Variants in CWH43 observed in about 807,000 individuals in gnomAD.
CWH43 encodes PGAP2-interacting protein.
A neutral mutation model predicts 85.7 loss-of-function variants in CWH43; 91 were observed. That is an observed-to-expected ratio of 1.06 (90% CI 0.90 to 1.26). The LOEUF (loss-of-function observed/expected upper bound fraction) is 1.26, where lower values mean the gene tolerates loss of function less well. Ranked by LOEUF, CWH43 falls within the 50% of genes most tolerant of loss-of-function variation. CWH43 has a pLI of 0.00. For synonymous variants in CWH43, 323 were observed against 293.6 expected (o/e 1.10, Z -1.02); for missense variants, 869 against 839.2 (o/e 1.04, Z -0.44).
At position 49,032,693 on chromosome 4, in the gene CWH43, G is replaced by T; in HGVS notation, c.1636G>T (p.Val546Leu). ...TTCGGGCAAGCTGGTGGATTTTGTC[G>T]TGACACACTTTGGGAACCACGAGTG... ...NISGKLVDFV[V>L]THFGNHEDDL... The change falls in exon 12 of 16, where the codon GTG (valine) becomes TTG (leucine). Residue 546 changes from valine to leucine, a missense_variant. By Grantham distance (32) the Val-to-Leu change is conservative. This residue lies in a region of CWH43 where 577 missense variants were observed against 513.1 expected (regional missense o/e 1.12). Transcript: ENST00000226432. 1.2e-6 allele frequency: 2 copies of T among 1,614,056 alleles called. No homozygotes were observed. The highest frequency in any genetic ancestry group is 1.7e-6 in the Non-Finnish European group (2 of 1,179,926).
At chr4:49,036,275 G>A (rs1349094967) in intron 12 of CWH43, among the ~76,000 whole-genome samples, 1 of 152,114 alleles carries the variant, frequency 6.6e-6, no homozygotes, top group Non-Finnish European at 1.5e-5. Flanking sequence ...AATCTGCAGG[G>A]GTCAGCCTCT....
At chr4:49,039,088 A>G (rs1373237058) in intron 13 of CWH43, among the ~76,000 whole-genome samples, 1 of 146,300 alleles carries the variant, frequency 6.8e-6, no homozygotes, top group African/African-American at 2.5e-5. Context: ...TAAATAAATA[A>G]ATAAATAAAT....
intron 12 of CWH43, among the ~76,000 whole-genome samples, chr4:49,033,419 G>A (rs1014255793): frequency 1.3e-5 from 2 of 152,074 alleles, no homozygotes; most frequent in African/African-American, 4.8e-5. Context: ...CTAAATGGTG[G>A]GCCTACCCTG....
intron 6 of CWH43, among the ~76,000 whole-genome samples, chr4:49,003,028 T>C (rs1783043294): frequency 6.6e-6 from 1 of 152,210 alleles, no homozygotes; most frequent in South Asian, 2.1e-4. Context: ...GAGTGGACCC[T>C]GCAGTGCTAT....
intron 15 of CWH43, among the ~76,000 whole-genome samples, chr4:49,052,415 T>G (rs1577713796): frequency 2.0e-5 from 3 of 152,132 alleles, no homozygotes; most frequent in African/African-American, 7.2e-5. Flanking sequence ...GCACAAAAAG[T>G]TTTTAGAATA....
At chr4:48,996,298 TACACACACACACACACACAC>T (rs36210509) in intron 5 of CWH43, among the ~76,000 whole-genome samples, 1 of 149,886 alleles carries the variant, frequency 6.7e-6, no homozygotes, top group Non-Finnish European at 1.5e-5. Context: ...TATATATGTG[TACACACACACACACACACAC>T]ACACACACAC....
At chr4:49,039,431 TTATA>T (rs748807682) in intron 13 of CWH43, among the ~76,000 whole-genome samples, 2 of 124,152 alleles carry the variant, frequency 1.6e-5, no homozygotes, top group South Asian at 2.5e-4. Context: ...ATATATACAC[TTATA>T]TATATATATA....
intron 9 of CWH43, among the ~76,000 whole-genome samples, chr4:49,019,505 A>G (rs1243121627): frequency 6.6e-6 from 1 of 152,076 alleles, no homozygotes; most frequent in Non-Finnish European, 1.5e-5. Context: ...GCCTTGTAGA[A>G]CACAGTGAGA....
intron 2 of CWH43, among the ~76,000 whole-genome samples, chr4:48,990,694 T>A (rs1409160883): frequency 6.6e-6 from 1 of 152,168 alleles, no homozygotes; most frequent in Non-Finnish European, 1.5e-5. Flanking sequence ...CTGGTAGAAA[T>A]ATAAGAAATA....
At chr4:48,991,797 T>C in intron 3 of CWH43, 139 bp from the exon 4 acceptor site, 1 of 879,964 alleles carries the variant, frequency 1.1e-6, no homozygotes, top group Admixed American at 2.8e-5. Flanking sequence ...AGTTGCTATA[T>C]AGAGGCTAAA....
intron 12 of CWH43, among the ~76,000 whole-genome samples, chr4:49,037,125 A>G (rs1016683206): frequency 6.6e-6 from 1 of 152,178 alleles, no homozygotes; most frequent in African/African-American, 2.4e-5. Context: ...TGGCTGGATC[A>G]TGTAAAATAT....
intron 9 of CWH43, among the ~76,000 whole-genome samples, chr4:49,021,923 A>G (rs1330095005): frequency 1.3e-5 from 2 of 152,152 alleles, no homozygotes; most frequent in South Asian, 2.1e-4. Context: ...ACTTTGCTGA[A>G]TTCATTTACC....
In CWH43 at chr4:49,020,416, C is replaced by CACACACACATAT. The variant is rs140534523; in HGVS notation, c.1266+3089_1266+3090insCACACACATATA. 8.7e-3 allele frequency among the ~76,000 whole-genome samples: 1,116 copies of CACACACACATAT among 128,340 alleles called. 10 individuals carry two copies. The highest frequency in any genetic ancestry group is 0.016 in the Admixed American group (179 of 11,048). 84.2% of individuals were successfully genotyped at this position (128,340 alleles called of 152,430 possible). On this transcript the variant is annotated intron_variant, in intron 9 of 15. Transcript: ENST00000226432. The stretch of plus-strand genomic sequence containing the variant: ...ACACACACACACACACACACACACA[C>CACACACACATAT]ATATATATATATAAATCATATTTTC...
At chr4:49,047,003 G>A (rs1784645820) in intron 14 of CWH43, among the ~76,000 whole-genome samples, 1 of 152,156 alleles carries the variant, frequency 6.6e-6, no homozygotes, top group Admixed American at 6.6e-5. Context: ...TGACTTCCCT[G>A]AGCCTTAGTC....
At chr4:49,025,635 T>C (rs1324815316) in intron 9 of CWH43, among the ~76,000 whole-genome samples, 3 of 152,204 alleles carry the variant, frequency 2.0e-5, no homozygotes, top group African/African-American at 7.2e-5. Context: ...TGGATCTAGC[T>C]ACCCAGCAGA....
At chr4:49,040,734 G>A (rs1279172005) in intron 13 of CWH43, among the ~76,000 whole-genome samples, 3 of 152,166 alleles carry the variant, frequency 2.0e-5, no homozygotes, top group Non-Finnish European at 4.4e-5. Context: ...CTGTGCAGAA[G>A]CTCTTTAGTT....
Position 48,988,426 on chromosome 4 carries a change from A to G in CWH43, c.44-51A>G, listed in dbSNP as rs1267489691. 2.8e-6 allele frequency: 4 copies of G among 1,431,806 alleles called. No homozygotes were observed. In the African/African-American group the frequency reaches 5.8e-5, roughly 21 times the overall value. 88.7% of individuals were successfully genotyped at this position (1,431,806 alleles called of 1,614,324 possible). On this transcript the variant is annotated intron_variant, in intron 1 of 15. Transcript: ENST00000226432. ...AGTGGAGGGACAGGACTGTCGTTAG[A>G]AACAATGTTGAAGTTACACTTTCTC...
intron 14 of CWH43, among the ~76,000 whole-genome samples, chr4:49,048,692 C>T (rs1444088042): frequency 2.0e-5 from 3 of 151,990 alleles, no homozygotes; most frequent in Non-Finnish European, 4.4e-5. Flanking sequence ...AGCCATTAAT[C>T]CTTTAGGATC....
chr4:49,033,544 G>A (rs1481205699), intron 12 of CWH43, among the ~76,000 whole-genome samples: 2 of 152,158 alleles, frequency 1.3e-5, no homozygotes, highest in African/African-American at 4.8e-5. Flanking sequence ...AGCACGTGAA[G>A]TTAATTTCAA....
Sources: gnomAD v4.1 joint callset for allele counts (sites outside exome capture counted in the v4.1 genomes callset) on GRCh38, gnomAD v4.1.1 for gene constraint, gnomAD v4.1.1 regional missense constraint, MANE v1.5 for transcripts, NCBI Gene and HGNC (gene_info 2026-07-23, HGNC 2026-07-21) for gene names.